Variants in PROM1 observed in about 807,000 individuals in gnomAD.
The protein encoded by PROM1 is prominin-1.
A neutral mutation model predicts 116.9 loss-of-function variants in PROM1; 105 were observed. That is an observed-to-expected ratio of 0.90 (90% CI 0.77 to 1.06). The LOEUF is 1.06. Ranked by LOEUF, PROM1 falls within the 50% of genes least tolerant of loss-of-function variation. PROM1 has a pLI of 0.00. For missense variants in PROM1, 1,122 were observed against 1,045.2 expected, an observed-to-expected ratio of 1.07 and a Z score of -1.01; for synonymous variants, 393 against 387.0, an observed-to-expected ratio of 1.02 and a Z score of -0.18.
rs1050150000 is a variant in PROM1 at position 16,042,604 on chromosome 4, TAATA to T, written c.221-3607_221-3604del. ...AAATTTATACAAATTTAAATTTTTTTAATAAATAAATACAGTGGAAGACAGACCA... is the reference window on the plus strand; with the variant it reads ...AAATTTATACAAATTTAAATTTTTTTAATAAATACAGTGGAAGACAGACCA... On this transcript the variant is annotated intron_variant, in intron 2 of 27. Transcript: ENST00000447510. 1.1e-4 allele frequency among the ~76,000 whole-genome samples: 17 copies of T among 152,358 alleles called. No homozygotes were observed. The East Asian group carries it at 2.3e-3, about 21-fold the overall frequency.
chr4:16,001,813 G>A (rs1008482919), intron 13 of PROM1, among the ~76,000 whole-genome samples: 19 of 152,134 alleles, frequency 1.2e-4, no homozygotes, highest in African/African-American at 4.3e-4. Flanking sequence ...GAGGCAGTGT[G>A]GGTAAAGAGT....
At chr4:15,991,806 G>A (rs1413989304) in intron 17 of PROM1, among the ~76,000 whole-genome samples, 1 of 151,854 alleles carries the variant, frequency 6.6e-6, no homozygotes, top group Non-Finnish European at 1.5e-5. Context: ...CGTGGTGGCA[G>A]GCGCCTGTAG....
At chr4:16,075,042 C>T (rs184363244) in intron 2 of PROM1, among the ~76,000 whole-genome samples, 3 of 152,310 alleles carry the variant, frequency 2.0e-5, no homozygotes, top group Admixed American at 6.5e-5. Context: ...TCTATGAACA[C>T]ATACCCTGAA....
intron 13 of PROM1, among the ~76,000 whole-genome samples, chr4:16,002,868 G>C (rs909276964): frequency 1.3e-5 from 2 of 152,124 alleles, no homozygotes; most frequent in African/African-American, 4.8e-5. Flanking sequence ...CACTGCCCAA[G>C]GTCTGTTTTT....
intron 12 of PROM1, among the ~76,000 whole-genome samples, chr4:16,007,604 G>C (rs1290256330): frequency 6.6e-6 from 1 of 152,224 alleles, no homozygotes; most frequent in African/African-American, 2.4e-5. Flanking sequence ...AGCCATGGAG[G>C]CTGGCCTCAG....
intron 2 of PROM1, among the ~76,000 whole-genome samples, chr4:16,043,960 G>C (rs1158333269): frequency 2.6e-5 from 4 of 152,174 alleles, no homozygotes; most frequent in African/African-American, 7.2e-5. Context: ...ACACCCCCCA[G>C]GTCAGGGGAC....
chr4:16,023,456 G>A, intron 7 of PROM1, 41 bp from the exon 8 acceptor site: 2 of 1,451,072 alleles, frequency 1.4e-6, no homozygotes, highest in Non-Finnish European at 1.9e-6. Context: ...GGTGGCCTCT[G>A]CTCATCTCTC....
At chr4:16,060,864 AACATATAT>A (rs1173440398) in intron 2 of PROM1, among the ~76,000 whole-genome samples, 4 of 152,230 alleles carry the variant, frequency 2.6e-5, no homozygotes, top group Non-Finnish European at 4.4e-5. Context: ...ACACGAAAGC[AACATATAT>A]AATTGAGCCC....
At chr4:16,014,040 C>T (rs1727644458) in intron 10 of PROM1, among the ~76,000 whole-genome samples, 1 of 152,156 alleles carries the variant, frequency 6.6e-6, no homozygotes, top group African/African-American at 2.4e-5. Flanking sequence ...AGCGATAGGG[C>T]TTTGGGGCTA....
chr4:15,974,637 T>A (rs887331892), intron 26 of PROM1, among the ~76,000 whole-genome samples: 1 of 149,164 alleles, frequency 6.7e-6, no homozygotes, highest in East Asian at 2.1e-4. Context: ...CATTAAATAA[T>A]TTTTTTTTTC....
chr4:16,082,369 C>A (rs1431394218), intron 1 of PROM1, among the ~76,000 whole-genome samples: 1 of 152,152 alleles, frequency 6.6e-6, no homozygotes, highest in East Asian at 1.9e-4. Flanking sequence ...CACTCAAGAA[C>A]TACGATCGTG....
rs750359030 is a variant in PROM1, at chr4:15,984,358, AG to A, written c.2281-4del. Reference sequence around the variant, plus strand: ...CACGATGCCACTTTCTCACTGATCTAGGGGGGTGGAAACACAGGGAAACTTT... The same window carrying A: ...CACGATGCCACTTTCTCACTGATCTAGGGGGTGGAAACACAGGGAAACTTT... On this transcript the variant is annotated splice_polypyrimidine_tract_variant and splice_region_variant and intron_variant, in intron 22 of 27. Coordinates refer to ENST00000447510, the MANE Select transcript of PROM1 (RefSeq NM_006017.3). 66 of 1,564,788 alleles carry A rather than the reference AG, an allele frequency of 4.2e-5. No individual in the cohort carries two copies. The African/African-American group carries it at 5.4e-4, about 13-fold the overall frequency.
intron 2 of PROM1, 37 bp from the exon 3 acceptor site, chr4:16,039,038 T>C: frequency 1.4e-6 from 2 of 1,430,830 alleles, no homozygotes; most frequent in Non-Finnish European, 1.8e-6. Flanking sequence ...TATTATTTTT[T>C]CAGTAAAATT....
chr4:16,024,482 C>T (rs1177540410), intron 6 of PROM1, 124 bp from the exon 7 acceptor site: 19 of 735,632 alleles, frequency 2.6e-5, no homozygotes, highest in Non-Finnish European at 3.2e-5. Flanking sequence ...CAGCAAGTTC[C>T]TAGAAACCTT....
rs1734691879 is a variant in PROM1, at chr4:16,039,515, A to G, written c.221-514T>C. On this transcript the variant is annotated intron_variant, in intron 2 of 27. Transcript: ENST00000447510. ...CACTTTGGGACACAGAGGCAGGTGG[A>G]TCACCCGAGGCCAGGAGTTCAAGAC... 2.0e-5 allele frequency among the ~76,000 whole-genome samples: 3 copies of G among 152,184 alleles called. No individual in the cohort carries two copies. In the South Asian group the frequency reaches 6.2e-4, roughly 31 times the overall value.
intron 15 of PROM1, 50 bp from the exon 16 acceptor site, chr4:15,994,121 C>A: frequency 6.2e-7 from 1 of 1,610,914 alleles, no homozygotes. Flanking sequence ...GTTGCAGCTA[C>A]CTCTGTCCAC....
At chr4:15,994,814 G>A (rs1721908558) in intron 15 of PROM1, among the ~76,000 whole-genome samples, 1 of 152,196 alleles carries the variant, frequency 6.6e-6, no homozygotes, top group Non-Finnish European at 1.5e-5. Context: ...AGGCCTGAGG[G>A]ATGCCTGGAA....
intron 9 of PROM1, among the ~76,000 whole-genome samples, chr4:16,016,521 T>A (rs909120196): frequency 9.8e-5 from 15 of 152,306 alleles, no homozygotes; most frequent in Non-Finnish European, 2.2e-4. Flanking sequence ...CTTCACAACT[T>A]CAAATACTAA....
At chr4:16,077,253 G>A (rs1377830931) in intron 1 of PROM1, among the ~76,000 whole-genome samples, 1 of 152,246 alleles carries the variant, frequency 6.6e-6, no homozygotes, top group Non-Finnish European at 1.5e-5. Flanking sequence ...CTTAGGGCTG[G>A]AGGTGGGACA....
Sources: gnomAD v4.1 joint callset for allele counts (sites outside exome capture counted in the v4.1 genomes callset) on GRCh38, gnomAD v4.1.1 for gene constraint, MANE v1.5 for transcripts, NCBI Gene and HGNC (gene_info 2026-07-23, HGNC 2026-07-21) for gene names.